The following ROS1 variants were observed in gnomAD, a reference collection of about 807,000 sequenced individuals.
ROS1 encodes ROS proto-oncogene 1, receptor tyrosine kinase, also known as proto-oncogene tyrosine-protein kinase ROS.
A neutral mutation model predicts 273.5 loss-of-function variants in ROS1; 263 were observed. The ratio of observed to expected loss-of-function variants is 0.96; its 90% CI spans 0.87 to 1.06. ROS1 has a LOEUF of 1.06. ROS1 is among the 50% of genes least tolerant of loss of function. The pLI, the probability that ROS1 is intolerant of heterozygous loss-of-function variation, is 0.00. For synonymous variants in ROS1, 1,008 were observed against 954.1 expected, an observed-to-expected ratio of 1.06 and a Z score of -1.04; for missense variants, 2,833 against 2,751.1, an observed-to-expected ratio of 1.03 and a Z score of -0.67.
intron 39 of ROS1, among the ~76,000 whole-genome samples, chr6:117,313,969 G>C: frequency 6.6e-6 from 1 of 152,140 alleles, no homozygotes; most frequent in East Asian, 1.9e-4. Flanking sequence ...AGGAAAGGCT[G>C]CGGAACAGCT....
intron 36 of ROS1, among the ~76,000 whole-genome samples, chr6:117,320,910 C>T (rs1250703962): frequency 6.6e-6 from 1 of 151,986 alleles, no homozygotes; most frequent in Non-Finnish European, 1.5e-5. Context: ...GACCACGTAA[C>T]ACAAGGCTCT....
intron 18 of ROS1, among the ~76,000 whole-genome samples, chr6:117,369,101 C>T (rs916264985): frequency 6.6e-6 from 1 of 151,950 alleles, no homozygotes; most frequent in African/African-American, 2.4e-5. Context: ...TTAGAAAATA[C>T]TTTCTCCTTA....
At chr6:117,351,261 C>T (rs957980168) in intron 27 of ROS1, among the ~76,000 whole-genome samples, 22 of 152,288 alleles carry the variant, frequency 1.4e-4, no homozygotes, top group East Asian at 3.9e-4. Context: ...TGGGACACGA[C>T]GGCTGGAGTG....
intron 28 of ROS1, 67 bp from the exon 29 acceptor site, chr6:117,342,611 T>G: frequency 9.4e-7 from 1 of 1,069,222 alleles, no homozygotes; most frequent in Middle Eastern, 2.7e-4. Context: ...TAGAAATTAT[T>G]TAATCAAAGA....
intron 18 of ROS1, among the ~76,000 whole-genome samples, chr6:117,375,752 G>T (rs908233865): frequency 6.6e-6 from 1 of 151,904 alleles, no homozygotes; most frequent in Non-Finnish European, 1.5e-5. Context: ...AGATGAATAG[G>T]AGTATTTTAT....
At chr6:117,395,993 T>C (rs1016699173) in intron 9 of ROS1, among the ~76,000 whole-genome samples, 195 bp downstream of exon 9, 5 of 152,184 alleles carry the variant, frequency 3.3e-5, no homozygotes, top group Non-Finnish European at 7.3e-5. Context: ...TTCTAATATC[T>C]AACCACTTAC....
At chr6:117,361,802 T>C (rs1374063253) in intron 22 of ROS1, among the ~76,000 whole-genome samples, 1 of 151,950 alleles carries the variant, frequency 6.6e-6, no homozygotes, top group Non-Finnish European at 1.5e-5. Context: ...CCCAAGATGT[T>C]ATTTTCCCCA....
intron 32 of ROS1, among the ~76,000 whole-genome samples, chr6:117,333,610 T>C (rs1777254334): frequency 1.3e-5 from 2 of 152,104 alleles, no homozygotes; most frequent in South Asian, 4.2e-4. Context: ...GCAAACTGAA[T>C]CCAGCAGCAC....
At chr6:117,341,097 T>C in intron 31 of ROS1, 38 bp downstream of exon 31, 1 of 1,403,460 alleles carries the variant, frequency 7.1e-7, no homozygotes, top group Non-Finnish European at 9.8e-7. Context: ...TCCAATTTAT[T>C]CTATATCATA....
At chr6:117,413,520 C>T (rs1299750877) in intron 4 of ROS1, among the ~76,000 whole-genome samples, 1 of 152,134 alleles carries the variant, frequency 6.6e-6, no homozygotes, top group Non-Finnish European at 1.5e-5. Flanking sequence ...TAGGAAACAT[C>T]AAAACGTCAA....
intron 43 of ROS1, among the ~76,000 whole-genome samples, chr6:117,294,755 G>T (rs434388): frequency 0.12 from 17,667 of 152,040 alleles, 1,177 homozygotes; most frequent in African/African-American, 0.13. Context: ...ATTAACCAAG[G>T]AGATGAAAAT....
Position 117,403,239 on chromosome 6 carries a change from G to A in ROS1, c.504C>T (p.His168=), listed in dbSNP as rs750152817. The A allele has an allele frequency of 1.2e-6, 2 of 1,612,454 alleles. No homozygotes were observed. Among genetic ancestry groups the A allele is most frequent in the South Asian group, 2.2e-5 (2 of 90,552 alleles). ...SRPSYVVKPL[H]PFTEYIFRVV... ...CTCGGAAAATGTACTCAGTGAAGGG[G>A]TGCAGGGGCTTGACCACATAGGACG... The change falls in exon 7 of 44, where the codon CAC becomes CAT. Residue 168 remains histidine, a synonymous_variant. Coordinates refer to ENST00000368507, the MANE Select transcript of ROS1 (RefSeq NM_001378902.1).
At chr6:117,342,638 G>C (rs566972482) in intron 28 of ROS1, 94 bp from the exon 29 acceptor site, 13 of 826,912 alleles carry the variant, frequency 1.6e-5, no homozygotes, top group Admixed American at 6.8e-5. Flanking sequence ...AAAGTTAAAG[G>C]CTCAAAAAAA....
In ROS1 at chr6:117,344,175, A is replaced by C. The variant is rs746497124; in HGVS notation, c.4391T>G (p.Leu1464Arg). 6 of 1,613,998 alleles carry C rather than the reference A, an allele frequency of 3.7e-6. No homozygotes were observed. In the South Asian group the frequency reaches 6.6e-5, roughly 18 times the overall value. The change falls in exon 28 of 44, where the codon CTG (leucine) becomes CGG (arginine). Residue 1464 changes from leucine to arginine, a missense_variant. Physicochemically the swap from Leu to Arg is moderately radical, Grantham distance 102 (BLOSUM62 -2). Transcript: ENST00000368507. ...TNTSLTIRLP[L>R]AKTNLTWYGI... ...ATACCATGTGAGGTTTGTCTTGGCC[A>C]GAGGTAATCTGATTGTGAGGCTAGT... is the stretch of plus-strand genomic sequence containing the variant.
intron 7 of ROS1, 79 bp from the exon 8 acceptor site, chr6:117,397,195 T>TG: frequency 2.0e-6 from 2 of 998,430 alleles, no homozygotes; most frequent in Non-Finnish European, 3.0e-6. Flanking sequence ...AAAAAAGTCT[T>TG]GTTTTTTTTT....
chr6:117,418,498 C>T lies in ROS1; in HGVS notation c.132G>A (p.Gln44=). The change falls in exon 2 of 44, where the codon CAG becomes CAA. Residue 44 remains glutamine, a synonymous_variant. Coordinates refer to ENST00000368507, the MANE Select transcript of ROS1 (RefSeq NM_001378902.1). ...GATTATGTGGTGTGCCAAGGTCAAG[C>T]TGCTGGCCCTGAAATGAAGAAGGAG... ...LKSCVTNLGQ[Q]LDLGTPHNLS... is the part of the protein sequence containing the mutation. 1 of 1,600,708 alleles carries T rather than the reference C, an allele frequency of 6.2e-7. No individual in the cohort carries two copies. The highest frequency in any genetic ancestry group is 8.5e-7 in the Non-Finnish European group (1 of 1,175,170).
intron 27 of ROS1, among the ~76,000 whole-genome samples, chr6:117,344,931 A>G (rs893956596): frequency 7.2e-5 from 11 of 152,220 alleles, no homozygotes; most frequent in Non-Finnish European, 1.6e-4. Context: ...GCCTCGAAAA[A>G]TCGCAGATCT....
At chr6:117,350,678 GTTT>G (rs995716425) in intron 27 of ROS1, among the ~76,000 whole-genome samples, 4 of 130,522 alleles carry the variant, frequency 3.1e-5, no homozygotes, top group African/African-American at 1.1e-4. Context: ...TTCTGTTTCG[GTTT>G]TTTTCCTTTT....
intron 32 of ROS1, among the ~76,000 whole-genome samples, chr6:117,336,386 T>C (rs1207735499): frequency 6.6e-6 from 1 of 152,020 alleles, no homozygotes; most frequent in East Asian, 1.9e-4. Context: ...TGCGTTCTCA[T>C]TGTTCAGCTC....
Sources: gnomAD v4.1 joint callset for allele counts (sites outside exome capture counted in the v4.1 genomes callset) on GRCh38, gnomAD v4.1.1 for gene constraint, MANE v1.5 for transcripts, NCBI Gene and HGNC (gene_info 2026-07-23, HGNC 2026-07-21) for gene names.